PKD2L1: variants seen among roughly 807,000 people sequenced by gnomAD.
PKD2L1 encodes the protein polycystin-2-like protein 1.
In PKD2L1, 77 loss-of-function variants were observed where a neutral mutation model predicts 93.0. The observed-to-expected ratio is 0.83, with a 90% confidence interval of 0.69 to 1.00. The LOEUF is 1.00. Among genes scored for constraint, PKD2L1 ranks in the 50% least tolerant of loss-of-function variants. The probability of loss-of-function intolerance (pLI) is 0.00; values close to 1 mark genes in which losing one functional copy is unlikely to be tolerated. For missense variants in PKD2L1, 977 were observed against 990.9 expected, an observed-to-expected ratio of 0.99 and a Z score of 0.19; for synonymous variants, 390 against 388.0, an observed-to-expected ratio of 1.01 and a Z score of -0.06.
intron 2 of PKD2L1, among the ~76,000 whole-genome samples, chr10:100,323,450 G>A (rs1181401916): frequency 6.6e-6 from 1 of 152,064 alleles, no homozygotes; most frequent in Non-Finnish European, 1.5e-5. Context: ...TGTATTTTTA[G>A]TAGAGTAGGG....
chr10:100,296,026 C>T (rs1848526978), intron 7 of PKD2L1, 96 bp downstream of exon 7: 1 of 1,118,930 alleles, frequency 8.9e-7, no homozygotes, highest in Non-Finnish European at 1.3e-6. Context: ...AAGAGCGAGA[C>T]TCCATCTCAA....
At chr10:100,321,747 G>A (rs1849246223) in intron 2 of PKD2L1, among the ~76,000 whole-genome samples, 1 of 8,800 alleles carries the variant, frequency 1.1e-4, no homozygotes, top group African/African-American at 3.5e-4. Context: ...AAGAAAGAAA[G>A]AAAGAAAGAA....
chr10:100,316,330 G>A (rs796640322), intron 2 of PKD2L1, among the ~76,000 whole-genome samples: 7 of 152,238 alleles, frequency 4.6e-5, no homozygotes, highest in African/African-American at 1.4e-4. Context: ...GCGCCACCAC[G>A]CCTGGCTAAT....
intron 2 of PKD2L1, among the ~76,000 whole-genome samples, chr10:100,310,980 C>T (rs1046122447): frequency 1.3e-5 from 2 of 152,210 alleles, no homozygotes; most frequent in Non-Finnish European, 2.9e-5. Flanking sequence ...ATCTGCCCTC[C>T]TTGGCCTCCC....
At chr10:100,325,103 T>G (rs1849349280) in intron 2 of PKD2L1, among the ~76,000 whole-genome samples, 1 of 152,184 alleles carries the variant, frequency 6.6e-6, no homozygotes, top group African/African-American at 2.4e-5. Context: ...TCCCCAAAAG[T>G]CTCTTTAGAC....
Position 100,297,219 on chromosome 10 carries a change from A to C in PKD2L1, c.957-11T>G. The C allele has an allele frequency of 6.2e-7, 1 of 1,609,976 alleles. No homozygotes were observed. Among genetic ancestry groups the C allele is most frequent in the East Asian group, 2.2e-5 (1 of 44,844 alleles). On this transcript the variant is annotated splice_polypyrimidine_tract_variant and intron_variant, in intron 5 of 15. Coordinates refer to ENST00000318222, the MANE Select transcript of PKD2L1 (RefSeq NM_016112.3). Reference sequence around the variant, plus strand: ...AACTCCACCACCAGCCTATAGGGGGAGGGGGAGATGACCTCCAGTGGAGCC... The same window carrying C: ...AACTCCACCACCAGCCTATAGGGGGCGGGGGAGATGACCTCCAGTGGAGCC...
chr10:100,321,269 C>T (rs1849220350), intron 2 of PKD2L1, among the ~76,000 whole-genome samples: 1 of 151,910 alleles, frequency 6.6e-6, no homozygotes, highest in Admixed American at 6.6e-5. Flanking sequence ...ACCAGCCTGG[C>T]CAATATGGTG....
chr10:100,288,893 A>G, intron 15 of PKD2L1, 79 bp downstream of exon 15: 1 of 849,754 alleles, frequency 1.2e-6, no homozygotes, highest in Non-Finnish European at 1.8e-6. Flanking sequence ...CTAGAAGTGC[A>G]GGGGATGTGG....
intron 2 of PKD2L1, among the ~76,000 whole-genome samples, chr10:100,304,193 T>C (rs1421804152): frequency 6.6e-6 from 1 of 152,164 alleles, no homozygotes; most frequent in Non-Finnish European, 1.5e-5. Context: ...AGAATCTAAA[T>C]TTGGTTTAGT....
chr10:100,295,863 C>T (rs1848522023), intron 7 of PKD2L1, among the ~76,000 whole-genome samples: 1 of 150,920 alleles, frequency 6.6e-6, no homozygotes, highest in Non-Finnish European at 1.5e-5. Context: ...TGGTGAAACC[C>T]CGTCTCCACA....
At chr10:100,296,869 A>G in intron 6 of PKD2L1, 111 bp downstream of exon 6, 1 of 676,284 alleles carries the variant, frequency 1.5e-6, no homozygotes, top group Non-Finnish European at 2.6e-6. Flanking sequence ...GATTTGACCA[A>G]AAGTCAGAAG....
At chr10:100,308,462 G>A (rs992212261) in intron 2 of PKD2L1, among the ~76,000 whole-genome samples, 1 of 151,752 alleles carries the variant, frequency 6.6e-6, no homozygotes, top group Non-Finnish European at 1.5e-5. Flanking sequence ...AGCCTCCCAG[G>A]TAGCTAGGAT....
At chr10:100,318,921 CT>C (rs1445342889) in intron 2 of PKD2L1, among the ~76,000 whole-genome samples, 1 of 151,520 alleles carries the variant, frequency 6.6e-6, no homozygotes, top group African/African-American at 2.4e-5. Flanking sequence ...TCTCGGCTCA[CT>C]GCAACCTCCA....
Position 100,288,477 on chromosome 10 carries a change from C to T in PKD2L1, c.2337G>A (p.Glu779=), listed in dbSNP as rs200712701. The T allele has an allele frequency of 1.0e-5, 16 of 1,600,684 alleles. No individual in the cohort carries two copies. Among genetic ancestry groups the T allele is most frequent in the Middle Eastern group, 1.6e-4 (1 of 6,062 alleles). The part of the protein sequence containing the change: ...PWGVQGGQES[E]VPYKREEEAL... ...CTTCCTCTTCTCTTTTATAGGGAACCTCTGTGGGGGAAAACGAGAAACCCA... is the reference window on the plus strand; with the variant it reads ...CTTCCTCTTCTCTTTTATAGGGAACTTCTGTGGGGGAAAACGAGAAACCCA... Residue 779 remains glutamate (E), a splice_region_variant and synonymous_variant, in exon 16 of 16, where the codon GAG becomes GAA. Coordinates refer to ENST00000318222, the MANE Select transcript of PKD2L1 (RefSeq NM_016112.3).
rs575681525 is a variant in PKD2L1, at chr10:100,329,749, A to G, written c.235+120T>C. ...ACCATGGGCAATTCATACACCCCAA[A>G]GTGACACCGAAAGGTCACCTCTTCT... On this transcript the variant is annotated intron_variant, in intron 1 of 15. Transcript: ENST00000318222. 5.4e-4 allele frequency: 379 copies of G among 704,832 alleles called. 6 individuals are homozygous for G. In the South Asian group the frequency reaches 6.7e-3, roughly 12 times the overall value. The allele number at this position is 704,832 out of a possible 1,614,324, so 43.7% of individuals were successfully genotyped here. A position where few individuals can be genotyped will look rare whatever the true frequency, so the allele number is the denominator to read the frequency against.
chr10:100,317,981 G>A (rs928782708), intron 2 of PKD2L1, among the ~76,000 whole-genome samples: 6 of 152,118 alleles, frequency 3.9e-5, no homozygotes, highest in South Asian at 2.1e-4. Flanking sequence ...TCCGGAGGCT[G>A]AGGCAGGAGA....
intron 8 of PKD2L1, 26 bp downstream of exon 8, chr10:100,294,916 A>G (rs1848489830): frequency 6.3e-7 from 1 of 1,594,460 alleles, no homozygotes; most frequent in African/African-American, 1.3e-5. Context: ...GGGGCCAGGG[A>G]GGAGTGAAGG....
At position 100,290,012 on chromosome 10, in the gene PKD2L1, C is replaced by T; in HGVS notation, c.2250+3G>A. 1 of 1,614,188 alleles carries T rather than the reference C, an allele frequency of 6.2e-7. No homozygotes were observed. The highest frequency in any genetic ancestry group is 8.5e-7 in the Non-Finnish European group (1 of 1,180,024). The stretch of plus-strand genomic sequence containing the variant: ...TAGGAGGACCAGGTGAAGGGCCACT[C>T]ACCACGCCTGGGGAGGGAGCCAGCC... On this transcript the variant is annotated splice_donor_region_variant and intron_variant, in intron 14 of 15. Coordinates refer to ENST00000318222, the MANE Select transcript of PKD2L1 (RefSeq NM_016112.3).
chr10:100,301,212 G>A (rs540817218), intron 2 of PKD2L1, among the ~76,000 whole-genome samples: 97 of 152,298 alleles, frequency 6.4e-4, no homozygotes, highest in African/African-American at 2.2e-3. Flanking sequence ...AGGTCAAGGC[G>A]AGATCACAAG....
Sources: gnomAD v4.1 joint callset for allele counts (sites outside exome capture counted in the v4.1 genomes callset) on GRCh38, gnomAD v4.1.1 for gene constraint, MANE v1.5 for transcripts, NCBI Gene and HGNC (gene_info 2026-07-23, HGNC 2026-07-21) for gene names.